NOS1: variants seen among roughly 807,000 people sequenced by gnomAD.
NOS1 encodes NOS type I.
NOS1 carries 51 observed loss-of-function variants against 164.5 expected under a neutral mutation model. That is an observed-to-expected ratio of 0.31 (90% CI 0.25 to 0.39). The LOEUF is 0.39. Among genes scored for constraint, NOS1 ranks in the 10% least tolerant of loss-of-function variants. NOS1 has a pLI of 1.00. For synonymous variants in NOS1, 719 were observed against 745.8 expected, an observed-to-expected ratio of 0.96 and a Z score of 0.59; for missense variants, 1,362 against 1,885.6, an observed-to-expected ratio of 0.72 and a Z score of 5.14.
intron 8 of NOS1, among the ~76,000 whole-genome samples, chr12:117,280,462 T>A (rs147472242): frequency 2.0e-4 from 30 of 152,276 alleles, no homozygotes; most frequent in African/African-American, 6.7e-4. Flanking sequence ...TTGGCCTTGG[T>A]GAGACTCGGT....
chr12:117,258,522 AGGGTCTG>A, intron 15 of NOS1, 67 bp from the exon 16 acceptor site: 1 of 1,526,342 alleles, frequency 6.6e-7, no homozygotes, highest in Admixed American at 1.7e-5. Context: ...TCGGATACTG[AGGGTCTG>A]GGGTCCTGGC....
In NOS1 at chr12:117,222,704, C is replaced by T. The variant is rs559243511; in HGVS notation, c.3975+11G>A. 2 of 1,613,108 alleles carry T rather than the reference C, an allele frequency of 1.2e-6. No homozygotes were observed. Among genetic ancestry groups the T allele is most frequent in the Non-Finnish European group, 1.7e-6 (2 of 1,179,626 alleles). On this transcript the variant is annotated intron_variant, in intron 26 of 28. Transcript: ENST00000317775. ...TTGGGCTGGGCTAGGGGGTGGGCTG[C>T]TGGGGGTTACCTTTGGTTTGTCTGG...
At chr12:117,350,873 G>T (rs1876581498) in intron 1 of NOS1, among the ~76,000 whole-genome samples, 1 of 152,160 alleles carries the variant, frequency 6.6e-6, no homozygotes, top group African/African-American at 2.4e-5. Context: ...CAGCCCTTTG[G>T]GAGGCCGAGG....
rs1252643280 is a variant in NOS1, at chr12:117,265,453, T to C, written c.1999A>G (p.Met667Val). 3 of 1,586,012 alleles carry C rather than the reference T, an allele frequency of 1.9e-6. No homozygotes were observed. Among genetic ancestry groups the C allele is most frequent in the Non-Finnish European group, 1.7e-6 (2 of 1,166,778 alleles). Residue 667 changes from methionine to valine, a missense_variant, in exon 12 of 29, where the codon ATG (methionine) becomes GTG (valine). Transcript: ENST00000317775. ...CCCCGGCAGCGGTACTCATTCTCCA[T>C]GTGCTTAATGAAGGACTCGGTGGCG... ...HSATESFIKHMENEYRCRGGC... is the reference protein window; with the variant it reads ...HSATESFIKHVENEYRCRGGC...
At chr12:117,324,620 G>A (rs1412280499) in intron 2 of NOS1, among the ~76,000 whole-genome samples, 1 of 152,064 alleles carries the variant, frequency 6.6e-6, no homozygotes, top group Non-Finnish European at 1.5e-5. Context: ...GGGAGCTGAG[G>A]TGGGAGGATC....
intron 2 of NOS1, among the ~76,000 whole-genome samples, chr12:117,329,624 G>C (rs947973320): frequency 2.0e-5 from 3 of 152,124 alleles, no homozygotes; most frequent in African/African-American, 7.2e-5. Flanking sequence ...CCCCATAGAA[G>C]GAGCTAGCAT....
chr12:117,336,746 T>C (rs950841547), intron 1 of NOS1, among the ~76,000 whole-genome samples: 10 of 152,232 alleles, frequency 6.6e-5, no homozygotes, highest in Non-Finnish European at 1.2e-4. Flanking sequence ...TATGGATATA[T>C]TGTGTTAAAT....
intron 3 of NOS1, among the ~76,000 whole-genome samples, chr12:117,298,969 T>C (rs1169223166): frequency 1.3e-5 from 2 of 152,232 alleles, no homozygotes. Flanking sequence ...ATTAGAGGCC[T>C]GCAGCAACCT....
In NOS1 at chr12:117,356,582, C is replaced by G. The variant is rs1429015400; in HGVS notation, c.-421+4930G>C. ...CACCACCTTTATCTGGGCACCTGCC[C>G]TTGGGGTCTAGCACTGGCCTTGCCA... is the stretch of plus-strand genomic sequence containing the variant. On this transcript the variant is annotated intron_variant, in intron 1 of 28. Transcript: ENST00000317775. The surrounding 1 kb of genome is among the most constrained non-coding windows in gnomAD (Gnocchi z 4.2). Among the ~76,000 whole-genome samples the G allele has an allele frequency of 6.6e-6, 1 of 152,230 alleles. No homozygotes were observed. The highest frequency in any genetic ancestry group is 1.5e-5 in the Non-Finnish European group (1 of 68,032).
chr12:117,314,604 A>T (rs1213323798), intron 2 of NOS1, among the ~76,000 whole-genome samples: 1 of 152,040 alleles, frequency 6.6e-6, no homozygotes, highest in East Asian at 1.9e-4. Context: ...GGCTGCCAAG[A>T]TCCTTCCTTT....
At chr12:117,316,896 A>T (rs1275096075) in intron 2 of NOS1, among the ~76,000 whole-genome samples, 2 of 152,038 alleles carry the variant, frequency 1.3e-5, no homozygotes, top group Admixed American at 1.3e-4. Context: ...TTATTATTTT[A>T]TTGAGACAGA....
intron 8 of NOS1, 70 bp downstream of exon 8, chr12:117,280,655 C>A: frequency 8.3e-7 from 1 of 1,202,926 alleles, no homozygotes; most frequent in Non-Finnish European, 1.1e-6. Flanking sequence ...GCATTAAGCC[C>A]GAAAAAGTCT....
Position 117,258,379 on chromosome 12 carries a change from G to A in NOS1, c.2531+18C>T, listed in dbSNP as rs755905393. 4 of 1,613,916 alleles carry A rather than the reference G, an allele frequency of 2.5e-6. No homozygotes were observed. The highest frequency in any genetic ancestry group is 4.5e-5 in the East Asian group (2 of 44,884). On this transcript the variant is annotated intron_variant, in intron 16 of 28. Transcript: ENST00000317775. ...CCCTCGGGGGTGGCGGGTGACGTCG[G>A]AGGGGTCATTCACTTACTTCCTTTC...
At chr12:117,257,803 C>CT (rs34828673) in intron 16 of NOS1, among the ~76,000 whole-genome samples, 4,110 of 120,424 alleles carry the variant, frequency 0.034, 181 homozygotes, top group African/African-American at 0.093. Flanking sequence ...TTACACAGTG[C>CT]TTTTTTTTTT....
intron 1 of NOS1, among the ~76,000 whole-genome samples, chr12:117,333,005 A>T (rs574829603): frequency 6.6e-6 from 1 of 152,210 alleles, no homozygotes; most frequent in Non-Finnish European, 1.5e-5. Flanking sequence ...CCAAAGGCCA[A>T]TGGGGGCCCA....
At position 117,288,171 on chromosome 12, in the gene NOS1, A is replaced by C. The variant is rs762584000; in HGVS notation, c.1030T>G (p.Ser344Ala). ...YICMGSIMHP[S>A]QHARRPEDVR... ...TCTTCAGGCCTCCTTGCATGCTGAG[A>C]AGGATGCATGATGGAGCCCATGCAG... Residue 344 changes from serine (S) to alanine (A), a missense_variant, in exon 5 of 29, where the codon TCT (serine) becomes GCT (alanine). Physicochemically the swap from Ser to Ala is moderately conservative, Grantham distance 99 (BLOSUM62 1). Coordinates refer to ENST00000317775, the MANE Select transcript of NOS1 (RefSeq NM_000620.5). The C allele has an allele frequency of 1.2e-6, 2 of 1,613,884 alleles. No homozygotes were observed. The highest frequency in any genetic ancestry group is 1.7e-6 in the Non-Finnish European group (2 of 1,179,838).
At chr12:117,340,471 C>T (rs1370944485) in intron 1 of NOS1, among the ~76,000 whole-genome samples, 2 of 152,056 alleles carry the variant, frequency 1.3e-5, no homozygotes, top group African/African-American at 2.4e-5. Context: ...ATAATAGTGC[C>T]TACATAGATA....
intron 23 of NOS1, 36 bp downstream of exon 23, chr12:117,227,395 T>C: frequency 6.2e-7 from 1 of 1,604,662 alleles, no homozygotes; most frequent in Non-Finnish European, 8.5e-7. Flanking sequence ...TGGGGGAAAA[T>C]GCAGCTGAGG....
intron 22 of NOS1, among the ~76,000 whole-genome samples, chr12:117,231,479 T>A (rs549457331): frequency 2.0e-5 from 3 of 152,262 alleles, no homozygotes; most frequent in Non-Finnish European, 4.4e-5. Context: ...AATACCCCAT[T>A]TGCCCTGATG....
Sources: gnomAD v4.1 joint callset for allele counts (sites outside exome capture counted in the v4.1 genomes callset) on GRCh38, gnomAD v4.1.1 for gene constraint, Gnocchi (gnomAD v3.1) non-coding constraint, MANE v1.5 for transcripts, NCBI Gene and HGNC (gene_info 2026-07-23, HGNC 2026-07-21) for gene names.